The following CCDC3 variants were observed in gnomAD, a reference collection of about 807,000 sequenced individuals.
CCDC3 encodes the protein coiled-coil domain-containing protein 3.
A neutral mutation model predicts 21.4 loss-of-function variants in CCDC3; 24 were observed. The observed-to-expected ratio is 1.12, with a 90% CI of 0.81 to 1.58. The LOEUF is 1.58. CCDC3 is among the 40% of genes most tolerant of loss of function. CCDC3 has a pLI of 0.00. For synonymous variants in CCDC3, 186 were observed against 166.0 expected (o/e 1.12, Z -0.93); for missense variants, 425 against 360.9 (o/e 1.18, Z -1.44).
At chr10:12,931,042 G>A (rs1364762685) in intron 2 of CCDC3, among the ~76,000 whole-genome samples, 1 of 151,740 alleles carries the variant, frequency 6.6e-6, no homozygotes, top group African/African-American at 2.4e-5. Flanking sequence ...GAAACCCCGT[G>A]TCTACTAAAA....
At chr10:13,043,770 GTTGATTCCATGTC>G (rs1354740373) in intron 5 of CCDC3, among the ~76,000 whole-genome samples, 1 of 152,158 alleles carries the variant, frequency 6.6e-6, no homozygotes, top group Non-Finnish European at 1.5e-5. Flanking sequence ...GGGTACTTAG[GTTGATTCCATGTC>G]TTTGCTATTG....
At chr10:13,077,953 G>A (rs1050258944) in intron 3 of CCDC3, among the ~76,000 whole-genome samples, 1 of 152,140 alleles carries the variant, frequency 6.6e-6, no homozygotes, top group Non-Finnish European at 1.5e-5. Flanking sequence ...GCATGGGCAA[G>A]GACTTCATGA....
chr10:13,007,290 C>T (rs575802689), intron 5 of CCDC3, among the ~76,000 whole-genome samples: 68 of 152,278 alleles, frequency 4.5e-4, no homozygotes, highest in South Asian at 4.2e-4. Context: ...CCTTTGGATT[C>T]CCTCCTTTAC....
At chr10:12,963,130 G>C (rs1822226421) in intron 2 of CCDC3, among the ~76,000 whole-genome samples, 1 of 152,204 alleles carries the variant, frequency 6.6e-6, no homozygotes, top group African/African-American at 2.4e-5. Flanking sequence ...TGGGAAAGAA[G>C]AGGCAATTGA....
chr10:13,033,835 T>G (rs925073585), intron 5 of CCDC3, among the ~76,000 whole-genome samples: 4 of 152,234 alleles, frequency 2.6e-5, no homozygotes, highest in South Asian at 4.1e-4. Flanking sequence ...TAAAAAGTCA[T>G]GAAACAACAG....
rs117168577 is a variant in CCDC3 at position 12,939,931 on chromosome 10, T to A, written c.550-41252A>T. Among the ~76,000 whole-genome samples the A allele has an allele frequency of 6.0e-3, 913 of 152,348 alleles. 4 individuals carry two copies. The highest frequency in any genetic ancestry group is 0.01 in the Non-Finnish European group (689 of 68,042). ...CTAAGAATTTTCTGAATTTCAAGAT[T>A]GTTAGCTATGGGAATAGTTCAAAGG... On this transcript the variant is annotated intron_variant, in intron 2 of 2. Coordinates refer to ENST00000378825, the MANE Select transcript of CCDC3 (RefSeq NM_031455.4).
At chr10:13,055,996 C>G (rs984719559) in intron 4 of CCDC3, among the ~76,000 whole-genome samples, 1 of 152,216 alleles carries the variant, frequency 6.6e-6, no homozygotes, top group African/African-American at 2.4e-5. Flanking sequence ...TGGATACTTC[C>G]TATGAAATAT....
At position 12,898,596 on chromosome 10, in the gene CCDC3, CT is replaced by C. The variant is rs1379680490; in HGVS notation, c.632del (p.Glu211GlyfsTer11). 1 of 1,614,230 alleles carries C rather than the reference CT, an allele frequency of 6.2e-7. No individual in the cohort carries two copies. Among genetic ancestry groups the C allele is most frequent in the East Asian group, 2.2e-5 (1 of 44,890 alleles). Reference sequence around the variant, plus strand: ...GCTCCCGGAGCTGCCGGTTGCGCTTCTCCAGGGTGGCCACTTTCTGCTGCAG... The same window carrying C: ...GCTCCCGGAGCTGCCGGTTGCGCTTCCCAGGGTGGCCACTTTCTGCTGCAG... Reference protein sequence around the residue: ...KKLQQKVATLEKRNRQLRERV... With the variant: ...KKLQQKVATLXKRNRQLRERV... On this transcript the variant is annotated frameshift_variant, in exon 3 of 3. Coordinates refer to ENST00000378825, the MANE Select transcript of CCDC3 (RefSeq NM_031455.4). LOFTEE classifies it high-confidence loss of function.
At chr10:13,010,410 C>T (rs1232832589) in intron 5 of CCDC3, among the ~76,000 whole-genome samples, 1 of 152,024 alleles carries the variant, frequency 6.6e-6, no homozygotes, top group Non-Finnish European at 1.5e-5. Flanking sequence ...AAACTCAAAA[C>T]CATTATGAGA....
intron 5 of CCDC3, among the ~76,000 whole-genome samples, chr10:13,048,081 C>T (rs941704612): frequency 3.3e-5 from 5 of 152,072 alleles, no homozygotes; most frequent in South Asian, 2.1e-4. Flanking sequence ...TAACTATCTG[C>T]GGGGATGTTT....
intron 3 of CCDC3, among the ~76,000 whole-genome samples, chr10:13,082,006 G>A (rs974326675): frequency 2.8e-4 from 42 of 152,172 alleles, no homozygotes; most frequent in African/African-American, 9.9e-4. Context: ...CTGTGGGTCA[G>A]CCCCCGAGGG....
intron 2 of CCDC3, among the ~76,000 whole-genome samples, chr10:12,966,860 T>C (rs1168614547): frequency 6.6e-6 from 1 of 152,212 alleles, no homozygotes; most frequent in East Asian, 1.9e-4. Context: ...CACTTGACAA[T>C]GTTCAAAACA....
At chr10:12,925,000 C>T (rs942495424) in intron 2 of CCDC3, among the ~76,000 whole-genome samples, 1 of 152,192 alleles carries the variant, frequency 6.6e-6, no homozygotes, top group African/African-American at 2.4e-5. Context: ...GGACACCAAG[C>T]ACAGGTGGGG....
chr10:12,925,597 G>A (rs1834524187), intron 2 of CCDC3, among the ~76,000 whole-genome samples: 1 of 152,224 alleles, frequency 6.6e-6, no homozygotes, highest in South Asian at 2.1e-4. Flanking sequence ...TAAACCCTCT[G>A]TGTATCTTAA....
intron 5 of CCDC3, among the ~76,000 whole-genome samples, chr10:13,030,138 A>G (rs1021598655): frequency 6.6e-6 from 1 of 152,230 alleles, no homozygotes; most frequent in African/African-American, 2.4e-5. Context: ...CTAACAGCAG[A>G]TCTCTCAGCA....
Position 12,907,309 on chromosome 10 carries a change from C to T in CCDC3, c.550-8630G>A, listed in dbSNP as rs114318330. Among the ~76,000 whole-genome samples the T allele has an allele frequency of 4.6e-3, 703 of 152,316 alleles. 3 individuals are homozygous for T. The highest frequency in any genetic ancestry group is 0.016 in the African/African-American group (675 of 41,572). ...CTGGAGCTACCTTTTAATGCTGGAGCTGGATTCACCATCTTCCCTGTGAAG... is the reference window on the plus strand; with the variant it reads ...CTGGAGCTACCTTTTAATGCTGGAGTTGGATTCACCATCTTCCCTGTGAAG... On this transcript the variant is annotated intron_variant, in intron 2 of 2. Transcript: ENST00000378825.
chr10:13,011,812 A>C (rs539323933), intron 5 of CCDC3, among the ~76,000 whole-genome samples: 1 of 152,260 alleles, frequency 6.6e-6, no homozygotes, highest in South Asian at 2.1e-4. Flanking sequence ...ATAAGGCTAC[A>C]GTAATCAAAA....
intron 2 of CCDC3, among the ~76,000 whole-genome samples, chr10:12,923,866 C>T (rs978090239): frequency 3.9e-5 from 6 of 152,198 alleles, no homozygotes; most frequent in African/African-American, 1.4e-4. Flanking sequence ...TCATGTGTAT[C>T]TTTGCAAATA....
intron 5 of CCDC3, among the ~76,000 whole-genome samples, chr10:13,024,590 T>A (rs992500139): frequency 6.6e-6 from 1 of 152,194 alleles, no homozygotes; most frequent in East Asian, 1.9e-4. Flanking sequence ...AGACTAGGAA[T>A]GAAAAACAAT....
Sources: gnomAD v4.1 joint callset for allele counts (sites outside exome capture counted in the v4.1 genomes callset) on GRCh38, gnomAD v4.1.1 for gene constraint, MANE v1.5 for transcripts, NCBI Gene and HGNC (gene_info 2026-07-23, HGNC 2026-07-21) for gene names.